FBXL14: variants seen among roughly 807,000 people sequenced by gnomAD.
FBXL14 encodes F-box/LRR-repeat protein 14.
In FBXL14, 11 loss-of-function variants were observed where a neutral mutation model predicts 24.5. The observed-to-expected ratio is 0.45, with a 90% confidence interval of 0.28 to 0.74. The LOEUF is 0.74. FBXL14 is among the 30% of genes least tolerant of loss of function. The probability of loss-of-function intolerance (pLI) is 0.12; values close to 1 mark genes in which losing one functional copy is unlikely to be tolerated. For missense variants in FBXL14, 384 were observed against 545.6 expected, an observed-to-expected ratio of 0.70 and a Z score of 2.95; for synonymous variants, 294 against 240.4, an observed-to-expected ratio of 1.22 and a Z score of -2.06.
chr12:1,592,284 A>G (rs971582550), intron 1 of FBXL14, among the ~76,000 whole-genome samples: 1 of 150,632 alleles, frequency 6.6e-6, no homozygotes, highest in African/African-American at 2.4e-5. Flanking sequence ...CCAAAAAAAA[A>G]TTTTTAAACA....
intron 1 of FBXL14, among the ~76,000 whole-genome samples, chr12:1,574,159 G>C (rs185114733): frequency 2.6e-5 from 4 of 152,300 alleles, no homozygotes; most frequent in Admixed American, 2.0e-4. Flanking sequence ...TATGAAACAG[G>C]AAGTGAGTGG....
intron 1 of FBXL14, among the ~76,000 whole-genome samples, chr12:1,574,195 G>A (rs1024921526): frequency 3.3e-5 from 5 of 152,088 alleles, no homozygotes; most frequent in African/African-American, 9.7e-5. Flanking sequence ...ATAGTCATAC[G>A]ATCCTATGAC....
rs553494497 is a variant in FBXL14, at chr12:1,579,299, C to T, written c.1195-12489G>A. 1.3e-5 allele frequency among the ~76,000 whole-genome samples: 2 copies of T among 152,030 alleles called. No individual in the cohort carries two copies. Among genetic ancestry groups the T allele is most frequent in the African/African-American group, 2.4e-5 (1 of 41,510 alleles). On this transcript the variant is annotated intron_variant, in intron 1 of 1. Transcript: ENST00000339235. The surrounding 1 kb of genome is among the most constrained non-coding windows in gnomAD (Gnocchi z 4.3). ...ATATATCAATAAGGCATCATACTGA[C>T]GAAAACAAAACCAGAGGTTTTAAAA...
At position 1,569,059 on chromosome 12, in the gene FBXL14, T is replaced by A. The variant is rs1399861741; in HGVS notation, c.1195-2249A>T. 2.0e-5 allele frequency among the ~76,000 whole-genome samples: 3 copies of A among 152,166 alleles called. No individual in the cohort carries two copies. Reference sequence around the variant, plus strand: ...AAGCATAATTATAATCTCACAAGTATTTTCATAGGATTGAGATATAAAGAA... The same window carrying A: ...AAGCATAATTATAATCTCACAAGTAATTTCATAGGATTGAGATATAAAGAA... On this transcript the variant is annotated intron_variant, in intron 1 of 1. Transcript: ENST00000339235. The surrounding 1 kb of genome is among the most constrained non-coding windows in gnomAD (Gnocchi z 4.2).
chr12:1,575,584 C>T (rs2094454311), intron 1 of FBXL14, among the ~76,000 whole-genome samples: 1 of 152,206 alleles, frequency 6.6e-6, no homozygotes, highest in Admixed American at 6.5e-5. Context: ...GTCTGAAGCC[C>T]CTGTAGGACT....
At chr12:1,586,622 A>G (rs751463824) in intron 1 of FBXL14, among the ~76,000 whole-genome samples, 1 of 152,210 alleles carries the variant, frequency 6.6e-6, no homozygotes, top group Non-Finnish European at 1.5e-5. Flanking sequence ...AGGTTCTGAC[A>G]CTAGGTTCTC....
chr12:1,573,549 C>G (rs576261512), intron 1 of FBXL14, among the ~76,000 whole-genome samples: 4 of 152,118 alleles, frequency 2.6e-5, no homozygotes, highest in African/African-American at 9.7e-5. Flanking sequence ...CCAGAAGTGC[C>G]GATACCGGAG....
chr12:1,576,047 A>G lies in FBXL14; in HGVS notation c.1195-9237T>C, dbSNP rs145860876. Among the ~76,000 whole-genome samples, 282 of 152,316 alleles carry G rather than the reference A, an allele frequency of 1.9e-3. 3 individuals carry two copies. Among genetic ancestry groups the G allele is most frequent in the African/African-American group, 6.4e-3 (264 of 41,572 alleles). On this transcript the variant is annotated intron_variant, in intron 1 of 1. Transcript: ENST00000339235. ...AGCCCAACAGGTTTTTTCTGTTTAC[A>G]CTTAACTAGCCTACGACAGCGGGAG...
At chr12:1,590,174 A>C (rs1281980461) in intron 1 of FBXL14, among the ~76,000 whole-genome samples, 1 of 152,036 alleles carries the variant, frequency 6.6e-6, no homozygotes, top group East Asian at 1.9e-4. Context: ...AAGCACTGTA[A>C]CCTAAGTGGG....
At chr12:1,589,306 G>A (rs1409386975) in intron 1 of FBXL14, among the ~76,000 whole-genome samples, 2 of 150,684 alleles carry the variant, frequency 1.3e-5, no homozygotes, top group Admixed American at 6.6e-5. Flanking sequence ...GGCTAGGTGG[G>A]AGGATCACTT....
chr12:1,592,930 C>T lies in FBXL14; in HGVS notation c.1137G>A (p.Gln379=), dbSNP rs773868964. The T allele has an allele frequency of 1.2e-6, 2 of 1,609,874 alleles. No homozygotes were observed. The highest frequency in any genetic ancestry group is 2.2e-5 in the South Asian group (2 of 90,772). ...GGTTGAGTACCTTGAGGCACGGCAG[C>T]TGCGTGATGCGCTCCAGGCCGCGCT... ...ITKRGLERIT[Q]LPCLKVLNLG... The change falls in exon 1 of 2, where the codon CAG becomes CAA. Residue 379 remains glutamine (Q), a synonymous_variant. Transcript: ENST00000339235.
intron 1 of FBXL14, among the ~76,000 whole-genome samples, chr12:1,571,965 T>C (rs901751456): frequency 6.6e-6 from 1 of 152,220 alleles, no homozygotes; most frequent in Admixed American, 6.5e-5. Flanking sequence ...TCACCACCCA[T>C]AGCCTGTTAT....
chr12:1,582,882 C>T (rs2094469387), intron 1 of FBXL14, among the ~76,000 whole-genome samples: 1 of 152,174 alleles, frequency 6.6e-6, no homozygotes, highest in Non-Finnish European at 1.5e-5. Flanking sequence ...GAAGGCCTCT[C>T]CTGCCCTCAG....
chr12:1,568,840 G>A lies in FBXL14; in HGVS notation c.1195-2030C>T, dbSNP rs144193032. On this transcript the variant is annotated intron_variant, in intron 1 of 1. Transcript: ENST00000339235. ...CACGCCATTGCCCTCCAGCCTGGGTGACAGAGACTCCATCTCAAAAAACAA... is the reference window on the plus strand; with the variant it reads ...CACGCCATTGCCCTCCAGCCTGGGTAACAGAGACTCCATCTCAAAAAACAA... Among the ~76,000 whole-genome samples the A allele has an allele frequency of 1.3e-3, 197 of 152,256 alleles. 1 individual carries two copies. The highest frequency in any genetic ancestry group is 1.0e-3 in the Non-Finnish European group (71 of 68,016).
At chr12:1,590,872 T>C (rs886165873) in intron 1 of FBXL14, among the ~76,000 whole-genome samples, 7 of 152,268 alleles carry the variant, frequency 4.6e-5, no homozygotes, top group East Asian at 3.9e-4. Flanking sequence ...CAGCGCTCTT[T>C]TAACTTTTCT....
chr12:1,575,132 C>A (rs916467572), intron 1 of FBXL14, among the ~76,000 whole-genome samples: 1 of 152,124 alleles, frequency 6.6e-6, no homozygotes, highest in African/African-American at 2.4e-5. Flanking sequence ...TAATATTTTT[C>A]TATGGATGTG....
At position 1,593,666 on chromosome 12, in the gene FBXL14, C is replaced by G; in HGVS notation, c.401G>C (p.Ser134Thr). ...GAGGTACTGGGCTATGCGGCCCAGG[C>G]TGCTGTCAGTGATCTGCTTGCAGAG... Reference protein sequence around the residue: ...LSLCKQITDSSLGRIAQYLKG... With the variant: ...LSLCKQITDSTLGRIAQYLKG... Residue 134 changes from serine to threonine, a missense_variant, in exon 1 of 2, where the codon AGC becomes ACC. Transcript: ENST00000339235. The surrounding 1 kb of genome is among the most constrained non-coding windows in gnomAD (Gnocchi z 7.4). 2 of 1,614,168 alleles carry G rather than the reference C, an allele frequency of 1.2e-6. No individual in the cohort carries two copies. Among genetic ancestry groups the G allele is most frequent in the South Asian group, 1.1e-5 (1 of 91,084 alleles).
intron 1 of FBXL14, among the ~76,000 whole-genome samples, chr12:1,591,422 G>T (rs1386200430): frequency 7.4e-6 from 1 of 134,580 alleles, no homozygotes; most frequent in Non-Finnish European, 1.6e-5. Flanking sequence ...ACCTTTTACT[G>T]TAAGAATATA....
Position 1,579,719 on chromosome 12 carries a change from GCTGA to G in FBXL14, c.1195-12913_1195-12910del, listed in dbSNP as rs2094462683. Among the ~76,000 whole-genome samples, 1 of 152,112 alleles carries G rather than the reference GCTGA, an allele frequency of 6.6e-6. No individual in the cohort carries two copies. The highest frequency in any genetic ancestry group is 2.4e-5 in the African/African-American group (1 of 41,420). ...TATTACTCAGGCTGGTATTTAGTTT[GCTGA>G]CTTTTAACTCTCAGAGCTGAACAGT... On this transcript the variant is annotated intron_variant, in intron 1 of 1. Transcript: ENST00000339235. This position sits in a 1 kb window ranked among gnomAD's most constrained non-coding sequence, Gnocchi z 4.3.
Sources: gnomAD v4.1 joint callset for allele counts (sites outside exome capture counted in the v4.1 genomes callset) on GRCh38, gnomAD v4.1.1 for gene constraint, Gnocchi (gnomAD v3.1) non-coding constraint, MANE v1.5 for transcripts, NCBI Gene and HGNC (gene_info 2026-07-23, HGNC 2026-07-21) for gene names.